Variants in PRKD1 observed in about 807,000 individuals in gnomAD.
The protein encoded by PRKD1 is protein kinase D1, also known as serine/threonine-protein kinase D1.
PRKD1 carries 63 observed loss-of-function variants against 95.9 expected under a neutral mutation model. That is an observed-to-expected ratio of 0.66 (90% CI 0.54 to 0.81). The LOEUF (loss-of-function observed/expected upper bound fraction) is 0.81. Ranked by LOEUF, PRKD1 falls within the 30% of genes least tolerant of loss-of-function variation. The probability of loss-of-function intolerance (pLI) is 0.00; values close to 1 mark genes in which losing one functional copy is unlikely to be tolerated. For synonymous variants in PRKD1, 425 were observed against 423.1 expected, an observed-to-expected ratio of 1.00 and a Z score of -0.05; for missense variants, 1,048 against 1,165.3, an observed-to-expected ratio of 0.90 and a Z score of 1.47.
chr14:29,719,273 A>G (rs1437611499), intron 2 of PRKD1, among the ~76,000 whole-genome samples: 2 of 152,142 alleles, frequency 1.3e-5, no homozygotes, highest in African/African-American at 2.4e-5. Context: ...ATTTTGTATT[A>G]TAACTATAGA....
At chr14:29,778,013 T>C (rs571274075) in intron 1 of PRKD1, among the ~76,000 whole-genome samples, 1 of 152,240 alleles carries the variant, frequency 6.6e-6, no homozygotes, top group Non-Finnish European at 1.5e-5. Flanking sequence ...CTCAACTACA[T>C]GGAAACTGAA....
chr14:29,667,930 TG>T (rs1389252928), intron 2 of PRKD1, among the ~76,000 whole-genome samples: 15 of 118,720 alleles, frequency 1.3e-4, no homozygotes, highest in African/African-American at 5.9e-4. Flanking sequence ...TAGGTAAATT[TG>T]TTTTTTTTTT....
At position 29,714,497 on chromosome 14, in the gene PRKD1, T is replaced by TA. The variant is rs1885499205; in HGVS notation, c.403+11038dup. ...GCATGTGGAGAAATAGGAAAGCTTT[T>TA]ACACTGTTGATGGGAGTGTAAATTA... On this transcript the variant is annotated intron_variant, in intron 2 of 17. Transcript: ENST00000331968. Among the ~76,000 whole-genome samples, 6 of 152,310 alleles carry TA rather than the reference T, an allele frequency of 3.9e-5. No homozygotes were observed. In the South Asian group the frequency reaches 1.2e-3, roughly 32 times the overall value.
intron 1 of PRKD1, among the ~76,000 whole-genome samples, chr14:29,774,287 A>G (rs1266548222): frequency 2.6e-5 from 4 of 152,176 alleles, no homozygotes; most frequent in African/African-American, 9.7e-5. Flanking sequence ...TTAAGAAATA[A>G]TTTTATGGCT....
At chr14:29,868,126 G>A (rs1389269902) in intron 1 of PRKD1, among the ~76,000 whole-genome samples, 1 of 152,052 alleles carries the variant, frequency 6.6e-6, no homozygotes, top group Non-Finnish European at 1.5e-5. Flanking sequence ...TTTACCTTAT[G>A]TCTGGCCAAG....
chr14:29,906,656 T>C (rs1383865180), intron 1 of PRKD1, among the ~76,000 whole-genome samples: 1 of 152,248 alleles, frequency 6.6e-6, no homozygotes, highest in Non-Finnish European at 1.5e-5. Context: ...TAAATGTTTT[T>C]AAACTGCAAT....
chr14:29,665,996 A>G (rs1594409292), intron 3 of PRKD1, 81 bp downstream of exon 3: 1 of 1,416,646 alleles, frequency 7.1e-7, no homozygotes, highest in South Asian at 1.8e-5. Flanking sequence ...GCTTTTACGT[A>G]TCTTTGCAAT....
At chr14:29,604,566 C>T (rs1893637246) in intron 13 of PRKD1, among the ~76,000 whole-genome samples, 1 of 152,142 alleles carries the variant, frequency 6.6e-6, no homozygotes, top group Non-Finnish European at 1.5e-5. Flanking sequence ...GCATGAGGTA[C>T]AGTACTGCAG....
Position 29,650,057 on chromosome 14 carries a change from G to A in PRKD1, c.697-11153C>T, listed in dbSNP as rs868378117. ...CTGGTTGGGGTAGCGAGCCACTCTCGCCACTTCCAGTTTCCTAGTTGGGGT... is the reference window on the plus strand; with the variant it reads ...CTGGTTGGGGTAGCGAGCCACTCTCACCACTTCCAGTTTCCTAGTTGGGGT... On this transcript the variant is annotated intron_variant, in intron 4 of 17. Transcript: ENST00000331968. 4.9e-4 allele frequency among the ~76,000 whole-genome samples: 74 copies of A among 152,092 alleles called. 1 individual carries two copies. Among genetic ancestry groups the A allele is most frequent in the Middle Eastern group, 6.8e-3 (2 of 294 alleles).
intron 1 of PRKD1, among the ~76,000 whole-genome samples, chr14:29,869,677 A>G (rs1361297085): frequency 6.6e-6 from 1 of 152,164 alleles, no homozygotes; most frequent in African/African-American, 2.4e-5. Flanking sequence ...TGGGGACTTT[A>G]CTGTGTGCCA....
At chr14:29,850,951 A>G (rs1881387965) in intron 1 of PRKD1, among the ~76,000 whole-genome samples, 1 of 152,012 alleles carries the variant, frequency 6.6e-6, no homozygotes, top group Non-Finnish European at 1.5e-5. Flanking sequence ...GCCACACACA[A>G]CCAACCATCT....
At chr14:29,777,919 AAG>A (rs1348998969) in intron 1 of PRKD1, among the ~76,000 whole-genome samples, 1 of 152,186 alleles carries the variant, frequency 6.6e-6, no homozygotes, top group Non-Finnish European at 1.5e-5. Flanking sequence ...GCAAATGTAA[AAG>A]AACAGAAATT....
chr14:29,621,208 G>A (rs1167986709), intron 13 of PRKD1, among the ~76,000 whole-genome samples: 1 of 134,916 alleles, frequency 7.4e-6, no homozygotes, highest in African/African-American at 2.7e-5. Flanking sequence ...GGGGGGAGGG[G>A]GGAGGGATAG....
intron 13 of PRKD1, among the ~76,000 whole-genome samples, chr14:29,623,441 G>C (rs573623104): frequency 2.6e-5 from 4 of 152,274 alleles, no homozygotes; most frequent in African/African-American, 9.6e-5. Context: ...TGACATGCTT[G>C]CATGAGAAGT....
intron 1 of PRKD1, among the ~76,000 whole-genome samples, chr14:29,746,152 G>A (rs554031276): frequency 6.6e-6 from 1 of 151,470 alleles, no homozygotes. Context: ...AGGTCTCTGA[G>A]GGCCTAATTC....
At chr14:29,778,172 C>T (rs537276192) in intron 1 of PRKD1, among the ~76,000 whole-genome samples, 1 of 152,190 alleles carries the variant, frequency 6.6e-6, no homozygotes, top group Non-Finnish European at 1.5e-5. Flanking sequence ...TAAATGCCCA[C>T]AACAGAAAGC....
rs751340826 is a variant in PRKD1, at chr14:29,927,305, C to G, written c.208G>C (p.Gly70Arg). 2.6e-6 allele frequency: 4 copies of G among 1,551,588 alleles called. No homozygotes were observed. The change falls in exon 1 of 18, where the codon GGG becomes CGG. Residue 70 changes from glycine to arginine, a missense_variant. Physicochemically the swap from Gly to Arg is moderately radical, Grantham distance 125. Around this residue, in one of 3 missense-constraint regions of PRKD1, gnomAD observed 275 missense variants for 248.6 expected, o/e 1.11. Transcript: ENST00000331968. ...EPVLLLQDSS[G>R]DYSLAHVREM... ...CGGACGTGCGCCAGGCTGTAGTCCCCGGACGAGTCCTGCAGCAGCAGCACC... is the reference window on the plus strand; with the variant it reads ...CGGACGTGCGCCAGGCTGTAGTCCCGGGACGAGTCCTGCAGCAGCAGCACC...
intron 1 of PRKD1, among the ~76,000 whole-genome samples, chr14:29,839,123 T>C (rs1891728526): frequency 6.6e-6 from 1 of 152,194 alleles, no homozygotes; most frequent in Admixed American, 6.5e-5. Context: ...TATGCCCTAA[T>C]TGAAGAAGAC....
At chr14:29,822,251 A>G (rs1375502592) in intron 1 of PRKD1, among the ~76,000 whole-genome samples, 2 of 152,186 alleles carry the variant, frequency 1.3e-5, no homozygotes, top group East Asian at 1.9e-4. Context: ...TCACTGACAG[A>G]TCAAGTTTAG....
Sources: gnomAD v4.1 joint callset for allele counts (sites outside exome capture counted in the v4.1 genomes callset) on GRCh38, gnomAD v4.1.1 for gene constraint, gnomAD v4.1.1 regional missense constraint, MANE v1.5 for transcripts, NCBI Gene and HGNC (gene_info 2026-07-23, HGNC 2026-07-21) for gene names.